The following CNTN5 variants were observed in gnomAD, a reference collection of about 807,000 sequenced individuals.
CNTN5 encodes the protein contactin 5, also known as contactin-5.
In CNTN5, 77 loss-of-function variants were observed where a neutral mutation model predicts 129.1. The ratio of observed to expected loss-of-function variants is 0.60; its 90% confidence interval spans 0.50 to 0.72. The LOEUF (loss-of-function observed/expected upper bound fraction) is 0.72, where lower values mean the gene tolerates loss of function less well. Ranked by LOEUF, CNTN5 falls within the 30% of genes least tolerant of loss-of-function variation. The pLI, the probability that CNTN5 is intolerant of heterozygous loss-of-function variation, is 0.00. For synonymous variants in CNTN5, 509 were observed against 465.6 expected (o/e 1.09, Z -1.20); for missense variants, 1,478 against 1,328.8 (o/e 1.11, Z -1.75).
intron 3 of CNTN5, among the ~76,000 whole-genome samples, chr11:99,810,537 A>C (rs1946398330): frequency 6.6e-6 from 1 of 152,152 alleles, no homozygotes. Context: ...CATTTCTTGG[A>C]GAAAGTGCTG....
chr11:99,498,796 A>G (rs1296234179), intron 2 of CNTN5, among the ~76,000 whole-genome samples: 1 of 152,178 alleles, frequency 6.6e-6, no homozygotes, highest in Non-Finnish European at 1.5e-5. Flanking sequence ...GAAGGAGGTA[A>G]AAGAAATAAT....
chr11:99,335,115 T>C (rs1001993631), intron 2 of CNTN5, among the ~76,000 whole-genome samples: 2 of 152,168 alleles, frequency 1.3e-5, no homozygotes, highest in Non-Finnish European at 2.9e-5. Context: ...ATAGCAAATA[T>C]TCAGCATTTG....
intron 3 of CNTN5, among the ~76,000 whole-genome samples, chr11:99,763,430 T>C (rs1409431357): frequency 6.6e-6 from 1 of 152,172 alleles, no homozygotes; most frequent in African/African-American, 2.4e-5. Context: ...CAATTTATCT[T>C]TTTAATATTA....
At chr11:99,554,681 G>A (rs1332619443) in intron 2 of CNTN5, among the ~76,000 whole-genome samples, 1 of 152,002 alleles carries the variant, frequency 6.6e-6, no homozygotes, top group Non-Finnish European at 1.5e-5. Context: ...TTTCAAAAAA[G>A]GTCAATTTAA....
intron 1 of CNTN5, among the ~76,000 whole-genome samples, chr11:99,133,251 TAACTC>T (rs1325121899): frequency 6.6e-6 from 1 of 151,954 alleles, no homozygotes; most frequent in Admixed American, 6.6e-5. Flanking sequence ...ATACAAAAAT[TAACTC>T]AACATGGATT....
chr11:99,246,302 C>A (rs1046875105), intron 1 of CNTN5, among the ~76,000 whole-genome samples: 5 of 124,582 alleles, frequency 4.0e-5, no homozygotes, highest in African/African-American at 1.4e-4. Flanking sequence ...ACTACCCACA[C>A]ATTATTTCAT....
intron 3 of CNTN5, among the ~76,000 whole-genome samples, chr11:99,657,602 G>A (rs1397195825): frequency 3.9e-5 from 6 of 151,964 alleles, no homozygotes; most frequent in African/African-American, 4.8e-5. Flanking sequence ...GGAAGGTTTC[G>A]CTTTTGTTTG....
intron 1 of CNTN5, among the ~76,000 whole-genome samples, chr11:99,215,669 T>G (rs533687067): frequency 3.1e-4 from 47 of 152,258 alleles, no homozygotes; most frequent in South Asian, 1.0e-3. Flanking sequence ...GAAAACCTAT[T>G]TCCCTTTAAA....
intron 9 of CNTN5, among the ~76,000 whole-genome samples, chr11:100,039,699 C>T (rs937581915): frequency 6.6e-6 from 1 of 152,130 alleles, no homozygotes; most frequent in African/African-American, 2.4e-5. Flanking sequence ...AACTTGTCTT[C>T]TTGCTTCATT....
At chr11:99,588,079 C>T (rs996121845) in intron 3 of CNTN5, among the ~76,000 whole-genome samples, 1 of 152,202 alleles carries the variant, frequency 6.6e-6, no homozygotes, top group Admixed American at 6.5e-5. Flanking sequence ...CGCAGTGGCT[C>T]ACGCCTGTAA....
intron 6 of CNTN5, among the ~76,000 whole-genome samples, chr11:99,909,359 G>A (rs1382063262): frequency 6.6e-6 from 1 of 152,124 alleles, no homozygotes; most frequent in African/African-American, 2.4e-5. Flanking sequence ...TTACACTGTT[G>A]GTGGGACTGT....
chr11:99,326,365 A>C (rs991348758), intron 2 of CNTN5, among the ~76,000 whole-genome samples: 2 of 152,176 alleles, frequency 1.3e-5, no homozygotes, highest in Non-Finnish European at 2.9e-5. Flanking sequence ...CAAGGCTGTC[A>C]CTTGTTTATC....
intron 2 of CNTN5, among the ~76,000 whole-genome samples, chr11:99,393,587 C>T (rs1466402867): frequency 6.6e-6 from 1 of 151,680 alleles, no homozygotes; most frequent in Non-Finnish European, 1.5e-5. Context: ...AGACTTTAGG[C>T]TTTTTAACTG....
chr11:99,226,929 G>A (rs954655775), intron 1 of CNTN5, among the ~76,000 whole-genome samples: 4 of 152,144 alleles, frequency 2.6e-5, no homozygotes, highest in African/African-American at 9.7e-5. Flanking sequence ...TACAGATAAT[G>A]TTAAAATATC....
chr11:99,304,798 T>C (rs1427455770), intron 1 of CNTN5, among the ~76,000 whole-genome samples: 1 of 152,172 alleles, frequency 6.6e-6, no homozygotes, highest in African/African-American at 2.4e-5. Flanking sequence ...AGTATGGTCA[T>C]CTCTATTGTG....
intron 15 of CNTN5, among the ~76,000 whole-genome samples, chr11:100,221,322 C>T (rs897037501): frequency 5.3e-5 from 8 of 152,070 alleles, no homozygotes; most frequent in African/African-American, 7.2e-5. Context: ...TAAAGAGCTA[C>T]GTCAAAATAA....
chr11:100,005,266 TC>T lies in CNTN5; in HGVS notation c.980+3137del, dbSNP rs547318930. 2.6e-3 allele frequency among the ~76,000 whole-genome samples: 390 copies of T among 152,000 alleles called. 1 individual carries two copies. Among genetic ancestry groups the T allele is most frequent in the African/African-American group, 9.1e-3 (379 of 41,460 alleles). On this transcript the variant is annotated intron_variant, in intron 9 of 24. Transcript: ENST00000524871. ...AATAAGTTATTTATGCCTTATCCTG[TC>T]CCCCCCACAAATACATCATGTATAC...
intron 3 of CNTN5, among the ~76,000 whole-genome samples, chr11:99,703,689 A>G (rs1954627543): frequency 6.6e-6 from 1 of 150,980 alleles, no homozygotes; most frequent in Non-Finnish European, 1.5e-5. Flanking sequence ...AGACATATCT[A>G]ATGACATGTT....
At chr11:99,305,361 CA>C (rs1474757136) in intron 1 of CNTN5, among the ~76,000 whole-genome samples, 1 of 152,068 alleles carries the variant, frequency 6.6e-6, no homozygotes, top group African/African-American at 2.4e-5. Flanking sequence ...TCACAAACAG[CA>C]AAAGCTGGCA....
Sources: allele counts gnomAD v4.1 joint callset (sites outside exome capture counted in the v4.1 genomes callset), GRCh38; gene constraint gnomAD v4.1.1; transcripts MANE v1.5; gene names NCBI Gene and HGNC (gene_info 2026-07-23, HGNC 2026-07-21).